Variants in ATP8A2 observed in about 807,000 individuals in gnomAD.
ATP8A2 encodes the protein ATPase phospholipid transporting 8A2, also known as phospholipid-transporting ATPase IB.
ATP8A2 carries 100 observed loss-of-function variants against 165.6 expected under a neutral mutation model. The ratio of observed to expected loss-of-function variants is 0.60; its 90% confidence interval spans 0.51 to 0.71. The LOEUF is 0.71. ATP8A2 is among the 30% of genes least tolerant of loss of function. ATP8A2 has a pLI of 0.00. For synonymous variants in ATP8A2, 543 were observed against 548.8 expected (o/e 0.99, Z 0.15); for missense variants, 1,227 against 1,479.5 (o/e 0.83, Z 2.80).
chr13:25,908,795 G>C (rs945216161), intron 33 of ATP8A2, among the ~76,000 whole-genome samples: 1 of 152,216 alleles, frequency 6.6e-6, no homozygotes, highest in Non-Finnish European at 1.5e-5. Flanking sequence ...CATGATCCTG[G>C]TTCCATGACT....
intron 27 of ATP8A2, among the ~76,000 whole-genome samples, chr13:25,786,461 C>G (rs1003270445): frequency 9.2e-5 from 14 of 152,192 alleles, no homozygotes; most frequent in Admixed American, 9.2e-4. Context: ...AAATATTGAT[C>G]AAAATATTGT....
intron 2 of ATP8A2, among the ~76,000 whole-genome samples, chr13:25,525,689 T>C (rs1335407054): frequency 6.6e-6 from 1 of 152,108 alleles, no homozygotes; most frequent in Admixed American, 6.6e-5. Flanking sequence ...GAATTGGAGG[T>C]TCTTTATACG....
chr13:25,549,188 G>A (rs978437165), intron 10 of ATP8A2, among the ~76,000 whole-genome samples: 10 of 152,036 alleles, frequency 6.6e-5, no homozygotes, highest in Non-Finnish European at 1.5e-4. Flanking sequence ...GGCCGGGCGC[G>A]GTGGCTCATG....
Position 25,929,546 on chromosome 13 carries a change from A to G in ATP8A2, c.3184-32029A>G, listed in dbSNP as rs551824664. ...ACTCCCCTCCATGCTACCCCTGAAC[A>G]AAATGAAGATTTTCAAAAAACCTTG... On this transcript the variant is annotated intron_variant, in intron 33 of 36. Transcript: ENST00000381655. Among the ~76,000 whole-genome samples, 5 of 152,314 alleles carry G rather than the reference A, an allele frequency of 3.3e-5. No homozygotes were observed. The South Asian group carries it at 1.0e-3, about 32-fold the overall frequency.
At chr13:25,588,342 G>A (rs975696404) in intron 23 of ATP8A2, among the ~76,000 whole-genome samples, 1 of 152,042 alleles carries the variant, frequency 6.6e-6, no homozygotes, top group African/African-American at 2.4e-5. Flanking sequence ...CTTAATTTTT[G>A]TCTATCTTGA....
chr13:25,800,472 A>G (rs917241624), intron 27 of ATP8A2, among the ~76,000 whole-genome samples: 8 of 152,178 alleles, frequency 5.3e-5, no homozygotes, highest in Non-Finnish European at 1.2e-4. Context: ...ATCTAAAATA[A>G]GCCTCTTTCC....
chr13:25,914,507 T>G (rs2209320), intron 33 of ATP8A2, among the ~76,000 whole-genome samples: 12,660 of 152,172 alleles, frequency 0.083, 1,379 homozygotes, highest in African/African-American at 0.24. Flanking sequence ...TGTGGAAGGT[T>G]TTTTTATGCT....
intron 35 of ATP8A2, among the ~76,000 whole-genome samples, chr13:26,007,130 G>C (rs1439978982): frequency 6.6e-6 from 1 of 151,868 alleles, no homozygotes; most frequent in African/African-American, 2.4e-5. Context: ...TTGTTTTTGT[G>C]AACAGATAGC....
intron 17 of ATP8A2, 110 bp from the exon 18 acceptor site, chr13:25,571,500 C>T: frequency 1.3e-6 from 1 of 747,742 alleles, no homozygotes; most frequent in South Asian, 1.7e-5. Context: ...ATGCAGATAA[C>T]ACCAGGCCTC....
intron 26 of ATP8A2, among the ~76,000 whole-genome samples, chr13:25,772,651 G>C (rs1227889647): frequency 1.3e-5 from 2 of 151,824 alleles, no homozygotes; most frequent in Non-Finnish European, 2.9e-5. Context: ...TTATTATGCA[G>C]TTTCCTCCTG....
At chr13:25,719,463 A>G (rs1419875346) in intron 25 of ATP8A2, among the ~76,000 whole-genome samples, 1 of 151,734 alleles carries the variant, frequency 6.6e-6, no homozygotes, top group Non-Finnish European at 1.5e-5. Context: ...GGATGGGTGG[A>G]TGGGTGGATG....
intron 33 of ATP8A2, chr13:25,950,619 A>G (rs1955330132): frequency 6.6e-6 from 1 of 152,170 alleles, no homozygotes; most frequent in African/African-American, 2.4e-5. Context: ...CCCATTCTCT[A>G]TGTCCTGAAT....
intron 1 of ATP8A2, among the ~76,000 whole-genome samples, chr13:25,452,142 C>T (rs911387512): frequency 4.6e-5 from 7 of 152,284 alleles, no homozygotes; most frequent in African/African-American, 1.4e-4. Context: ...CGTGAGCCAC[C>T]GTGCCTGGCC....
chr13:25,878,539 T>C (rs1593492190), intron 33 of ATP8A2, among the ~76,000 whole-genome samples: 2 of 139,754 alleles, frequency 1.4e-5, no homozygotes, highest in East Asian at 4.1e-4. Context: ...CCATCTTGGT[T>C]TGGTGGGTTT....
At chr13:25,803,607 C>T (rs1424166001) in intron 27 of ATP8A2, among the ~76,000 whole-genome samples, 1 of 152,202 alleles carries the variant, frequency 6.6e-6, no homozygotes, top group Non-Finnish European at 1.5e-5. Context: ...CACAGATCAG[C>T]CTCGGGACCA....
At chr13:25,665,101 G>A (rs1005692151) in intron 24 of ATP8A2, among the ~76,000 whole-genome samples, 1 of 152,132 alleles carries the variant, frequency 6.6e-6, no homozygotes. Context: ...GGCCAGCAAC[G>A]AAGGCAGAGT....
chr13:25,490,614 T>C, intron 2 of ATP8A2, among the ~76,000 whole-genome samples: 1 of 152,146 alleles, frequency 6.6e-6, no homozygotes, highest in East Asian at 1.9e-4. Context: ...CCACTAAAAG[T>C]CCATCTGCTT....
chr13:25,822,170 G>A (rs1951198357), intron 27 of ATP8A2, among the ~76,000 whole-genome samples: 1 of 152,176 alleles, frequency 6.6e-6, no homozygotes, highest in Admixed American at 6.5e-5. Flanking sequence ...CTTACTTAGA[G>A]TTCATTACAG....
intron 33 of ATP8A2, among the ~76,000 whole-genome samples, chr13:25,939,032 G>A (rs1029942106): frequency 3.3e-5 from 5 of 151,930 alleles, no homozygotes; most frequent in African/African-American, 1.2e-4. Context: ...TAGTAGAGAT[G>A]GGGTTTCGCC....
Sources: gnomAD v4.1 joint callset for allele counts (sites outside exome capture counted in the v4.1 genomes callset) on GRCh38, gnomAD v4.1.1 for gene constraint, MANE v1.5 for transcripts, NCBI Gene and HGNC (gene_info 2026-07-23, HGNC 2026-07-21) for gene names.